The following BTBD16 variants were observed in gnomAD, a reference collection of about 807,000 sequenced individuals.
BTBD16 encodes the protein BTB domain containing 16, also known as BTB/POZ domain-containing protein 16.
Under a neutral mutation model 67.4 loss-of-function variants are expected in BTBD16, and 66 were observed. The observed-to-expected ratio is 0.98, with a 90% CI of 0.80 to 1.20. BTBD16 has a LOEUF of 1.20. BTBD16 is among the 50% of genes most tolerant of loss of function. The probability of loss-of-function intolerance (pLI) is 0.00; values close to 1 mark genes in which losing one functional copy is unlikely to be tolerated. For missense variants in BTBD16, 634 were observed against 616.0 expected (o/e 1.03, Z -0.31); for synonymous variants, 242 against 236.4 (o/e 1.02, Z -0.22).
At chr10:122,299,168 AG>A (rs1320367151) in intron 9 of BTBD16, 34 bp downstream of exon 9, 10 of 1,609,074 alleles carry the variant, frequency 6.2e-6, no homozygotes, top group Non-Finnish European at 8.5e-6. Context: ...GGCCCCTGAG[AG>A]GGGGATGGGA....
intron 10 of BTBD16, among the ~76,000 whole-genome samples, chr10:122,319,977 T>A (rs1410531170): frequency 1.3e-5 from 2 of 152,144 alleles, no homozygotes; most frequent in African/African-American, 4.8e-5. Flanking sequence ...TAAGAGGTAT[T>A]ATTTTAACTT....
chr10:122,275,389 T>G (rs931813038), intron 2 of BTBD16, among the ~76,000 whole-genome samples: 2 of 152,194 alleles, frequency 1.3e-5, no homozygotes, highest in Non-Finnish European at 2.9e-5. Context: ...GGCACTATAC[T>G]AAGGCATATT....
intron 10 of BTBD16, among the ~76,000 whole-genome samples, chr10:122,317,157 A>C (rs1214370284): frequency 6.6e-6 from 1 of 152,012 alleles, no homozygotes; most frequent in Non-Finnish European, 1.5e-5. Flanking sequence ...TAACAAATAA[A>C]CTTTAGCTTA....
intron 8 of BTBD16, among the ~76,000 whole-genome samples, chr10:122,298,799 T>C (rs1251689391): frequency 2.6e-5 from 4 of 152,164 alleles, no homozygotes; most frequent in African/African-American, 7.2e-5. Flanking sequence ...TCGCTGAGGA[T>C]TGATTTAAAT....
chr10:122,329,307 C>T (rs181090657), intron 10 of BTBD16, among the ~76,000 whole-genome samples, 173 bp from the exon 11 acceptor site: 1 of 152,114 alleles, frequency 6.6e-6, no homozygotes, highest in East Asian at 1.9e-4. Flanking sequence ...TATAAAATGT[C>T]GTCTAAGCCA....
Position 122,289,182 on chromosome 10 carries a change from C to T in BTBD16, c.386-727C>T, listed in dbSNP as rs550671629. ...CAGCAGGTGGCACTCCCACTGCCTGCCTGCACTGCTCCAGGTGCTCGGGTT... is the reference window on the plus strand; with the variant it reads ...CAGCAGGTGGCACTCCCACTGCCTGTCTGCACTGCTCCAGGTGCTCGGGTT... On this transcript the variant is annotated intron_variant, in intron 5 of 15. Coordinates refer to ENST00000260723, the MANE Select transcript of BTBD16 (RefSeq NM_144587.5). 9.2e-5 allele frequency among the ~76,000 whole-genome samples: 14 copies of T among 152,240 alleles called. No individual in the cohort carries two copies. In the South Asian group the frequency reaches 2.9e-3, roughly 32 times the overall value.
At chr10:122,291,979 T>C (rs2096374975) in intron 7 of BTBD16, among the ~76,000 whole-genome samples, 1 of 152,168 alleles carries the variant, frequency 6.6e-6, no homozygotes. Flanking sequence ...CCTGGGCTCA[T>C]GGATGCAGAA....
intron 7 of BTBD16, among the ~76,000 whole-genome samples, chr10:122,297,316 G>C (rs769947915): frequency 6.6e-6 from 1 of 152,162 alleles, no homozygotes; most frequent in African/African-American, 2.4e-5. Context: ...TCATGAGCTC[G>C]CAGAGACCTT....
intron 3 of BTBD16, among the ~76,000 whole-genome samples, chr10:122,279,971 T>C (rs1207409834): frequency 6.6e-6 from 1 of 152,120 alleles, no homozygotes; most frequent in East Asian, 1.9e-4. Flanking sequence ...TGGCCAACAC[T>C]TCCTTCTGCC....
Position 122,329,533 on chromosome 10 carries a change from C to G in BTBD16, c.965C>G (p.Pro322Arg). The G allele has an allele frequency of 6.2e-7, 1 of 1,614,024 alleles. No homozygotes were observed. The highest frequency in any genetic ancestry group is 8.5e-7 in the Non-Finnish European group (1 of 1,180,026). Residue 322 changes from proline (P) to arginine (R), a missense_variant, in exon 11 of 16, where the codon CCG (proline) becomes CGG (arginine). Physicochemically the swap from Pro to Arg is moderately radical, Grantham distance 103 (BLOSUM62 -2). Coordinates refer to ENST00000260723, the MANE Select transcript of BTBD16 (RefSeq NM_144587.5). The stretch of plus-strand genomic sequence containing the variant: ...CGGGACATAGGACGGAGCTTGAGGC[C>G]GCTCTTCCTCTGCTTGCGTCTGCAC... ...LDRDIGRSLR[P>R]LFLCLRLHGI...
intron 13 of BTBD16, among the ~76,000 whole-genome samples, chr10:122,334,340 CG>C (rs1554894570): frequency 6.6e-6 from 1 of 150,702 alleles, no homozygotes; most frequent in Non-Finnish European, 1.5e-5. Flanking sequence ...GGACTACAGG[CG>C]CCCGCCACCA....
At chr10:122,329,417 C>A in intron 10 of BTBD16, 63 bp from the exon 11 acceptor site, 2 of 1,527,698 alleles carry the variant, frequency 1.3e-6, no homozygotes, top group Middle Eastern at 1.7e-4. Flanking sequence ...TTTCCCTAGC[C>A]CGAGCTAATT....
At chr10:122,297,623 G>A (rs1333093957) in intron 7 of BTBD16, 145 bp from the exon 8 acceptor site, 2 of 806,336 alleles carry the variant, frequency 2.5e-6, no homozygotes, top group Non-Finnish European at 4.1e-6. Flanking sequence ...TTGTCCTCTG[G>A]CCAAATGTCC....
At chr10:122,308,260 C>A (rs1157091160) in intron 10 of BTBD16, among the ~76,000 whole-genome samples, 1 of 152,100 alleles carries the variant, frequency 6.6e-6, no homozygotes, top group Non-Finnish European at 1.5e-5. Context: ...GGTGTGGGCC[C>A]CCTGCCAAAG....
At chr10:122,272,261 A>G (rs2096330388) in intron 1 of BTBD16, among the ~76,000 whole-genome samples, 1 of 152,206 alleles carries the variant, frequency 6.6e-6, no homozygotes, top group Non-Finnish European at 1.5e-5. Context: ...ACATGCATAC[A>G]TGGATGCAAT....
At chr10:122,282,156 TTG>T (rs1262061428) in intron 3 of BTBD16, among the ~76,000 whole-genome samples, 1 of 152,198 alleles carries the variant, frequency 6.6e-6, no homozygotes, top group Non-Finnish European at 1.5e-5. Context: ...ACACTGATGT[TTG>T]TGAGAGTAGT....
chr10:122,312,309 CTTTTTTTTTTTTTTT>C (rs58045019), intron 10 of BTBD16, among the ~76,000 whole-genome samples: 2 of 105,624 alleles, frequency 1.9e-5, no homozygotes, highest in Non-Finnish European at 3.7e-5. Context: ...TTTTCTTTTT[CTTTTTTTTTTTTTTT>C]TTTTTTTTGA....
At chr10:122,317,786 G>A (rs1307539992) in intron 10 of BTBD16, among the ~76,000 whole-genome samples, 1 of 152,180 alleles carries the variant, frequency 6.6e-6, no homozygotes, top group Non-Finnish European at 1.5e-5. Flanking sequence ...CCCACTGGAA[G>A]GCCTTCAGGG....
intron 3 of BTBD16, among the ~76,000 whole-genome samples, chr10:122,282,798 A>T (rs181752053): frequency 1.3e-4 from 20 of 152,362 alleles, no homozygotes; most frequent in Admixed American, 9.8e-4. Flanking sequence ...AAGACACTCC[A>T]GAAGGAGTTT....
Sources: allele counts gnomAD v4.1 joint callset (sites outside exome capture counted in the v4.1 genomes callset), GRCh38; gene constraint gnomAD v4.1.1; transcripts MANE v1.5; gene names NCBI Gene and HGNC (gene_info 2026-07-23, HGNC 2026-07-21).